Variants in PTPRD observed in about 807,000 individuals in gnomAD.
The protein encoded by PTPRD is protein tyrosine phosphatase receptor type D.
In PTPRD, 34 loss-of-function variants were observed where a neutral mutation model predicts 214.5. The ratio of observed to expected loss-of-function variants is 0.16; its 90% CI spans 0.12 to 0.21. The LOEUF is 0.21. Ranked by LOEUF, PTPRD falls within the 10% of genes least tolerant of loss-of-function variation. The pLI is 1.00. For synonymous variants in PTPRD, 1,128 were observed against 845.7 expected (o/e 1.33, Z -5.79); for missense variants, 2,545 against 2,398.7 (o/e 1.06, Z -1.27).
chr9:8,352,490 A>T (rs1183970661), intron 39 of PTPRD, among the ~76,000 whole-genome samples: 1 of 152,126 alleles, frequency 6.6e-6, no homozygotes, highest in African/African-American at 2.4e-5. Context: ...CCACTTTTTG[A>T]AAGAGGAGAC....
intron 7 of PTPRD, among the ~76,000 whole-genome samples, chr9:9,592,831 G>C (rs1325681557): frequency 6.6e-6 from 1 of 151,988 alleles, no homozygotes; most frequent in African/African-American, 2.4e-5. Flanking sequence ...GATAACCTGA[G>C]GTCAGGAGTT....
intron 11 of PTPRD, among the ~76,000 whole-genome samples, chr9:8,803,033 G>A (rs751757815): frequency 1.3e-4 from 20 of 151,960 alleles, no homozygotes; most frequent in African/African-American, 2.9e-4. Flanking sequence ...CTCCGGCCTC[G>A]GCAACAGAGC....
At chr9:9,398,223 T>A (rs1214501590) in intron 8 of PTPRD, among the ~76,000 whole-genome samples, 2 of 151,854 alleles carry the variant, frequency 1.3e-5, no homozygotes, top group African/African-American at 4.8e-5. Context: ...ATTTCTTCAA[T>A]AGAGGTTGTC....
At chr9:9,271,050 C>T (rs374794012) in intron 9 of PTPRD, among the ~76,000 whole-genome samples, 16 of 151,160 alleles carry the variant, frequency 1.1e-4, no homozygotes, top group East Asian at 9.8e-4. Context: ...AGTGCTTATG[C>T]GGCTTCCAGG....
chr9:9,601,967 A>G (rs935995927), intron 7 of PTPRD, among the ~76,000 whole-genome samples: 2 of 152,122 alleles, frequency 1.3e-5, no homozygotes, highest in African/African-American at 4.8e-5. Flanking sequence ...CTACCACTAC[A>G]TACATAAAAG....
At chr9:9,500,268 G>C (rs1306176137) in intron 8 of PTPRD, among the ~76,000 whole-genome samples, 1 of 152,040 alleles carries the variant, frequency 6.6e-6, no homozygotes, top group African/African-American at 2.4e-5. Flanking sequence ...TTGGCCTCTC[G>C]ATGTAAACAA....
chr9:10,444,247 T>C (rs1390093073), intron 2 of PTPRD, among the ~76,000 whole-genome samples: 7 of 151,860 alleles, frequency 4.6e-5, no homozygotes, highest in Admixed American at 2.6e-4. Context: ...TATTCTATGA[T>C]GTTTAACGTA....
chr9:10,567,832 T>G (rs1219604839), intron 2 of PTPRD, among the ~76,000 whole-genome samples: 1 of 151,828 alleles, frequency 6.6e-6, no homozygotes, highest in Non-Finnish European at 1.5e-5. Context: ...TGTCACCAGT[T>G]AAACCATTGC....
chr9:8,813,760 C>T (rs951115854), intron 11 of PTPRD, among the ~76,000 whole-genome samples: 3 of 152,190 alleles, frequency 2.0e-5, no homozygotes, highest in Admixed American at 2.0e-4. Flanking sequence ...ACAAGAGATG[C>T]TTTGCTGAGT....
intron 11 of PTPRD, among the ~76,000 whole-genome samples, chr9:8,930,840 C>G (rs1471665246): frequency 3.9e-5 from 6 of 151,954 alleles, no homozygotes; most frequent in Non-Finnish European, 5.9e-5. Flanking sequence ...TGTTTGAGTT[C>G]TTTGTAGATT....
intron 2 of PTPRD, among the ~76,000 whole-genome samples, chr9:10,426,503 T>C (rs1396768127): frequency 1.3e-5 from 2 of 152,038 alleles, no homozygotes; most frequent in Non-Finnish European, 2.9e-5. Flanking sequence ...TGAAAACTTG[T>C]AATCATGGCT....
intron 14 of PTPRD, among the ~76,000 whole-genome samples, chr9:8,531,408 G>A (rs996804371): frequency 2.0e-5 from 3 of 152,002 alleles, no homozygotes; most frequent in African/African-American, 7.2e-5. Context: ...ATCAATAGCT[G>A]CTATACCACA....
chr9:9,547,796 T>TAACACACACACACA (rs2079144912), intron 8 of PTPRD, among the ~76,000 whole-genome samples: 1 of 142,372 alleles, frequency 7.0e-6, no homozygotes, highest in Non-Finnish European at 1.5e-5. Flanking sequence ...AAACACAAAT[T>TAACACACACACACA]CACACACACA....
intron 39 of PTPRD, among the ~76,000 whole-genome samples, chr9:8,359,472 A>T (rs1230364537): frequency 6.6e-6 from 1 of 152,022 alleles, no homozygotes; most frequent in African/African-American, 2.4e-5. Flanking sequence ...TTACAGACAT[A>T]TGCCAGCAAA....
At chr9:9,408,266 T>A (rs2074231968) in intron 8 of PTPRD, among the ~76,000 whole-genome samples, 1 of 151,838 alleles carries the variant, frequency 6.6e-6, no homozygotes, top group African/African-American at 2.4e-5. Flanking sequence ...CTTAAACTTT[T>A]GAATCAGCTG....
intron 3 of PTPRD, among the ~76,000 whole-genome samples, chr9:10,243,585 A>G (rs903685100): frequency 1.3e-5 from 2 of 151,990 alleles, no homozygotes; most frequent in Non-Finnish European, 2.9e-5. Context: ...CACCCTTCAC[A>G]CTGCTACCAC....
At chr9:8,461,748 T>G (rs1398044268) in intron 32 of PTPRD, among the ~76,000 whole-genome samples, 1 of 152,012 alleles carries the variant, frequency 6.6e-6, no homozygotes, top group Non-Finnish European at 1.5e-5. Context: ...TCCTCATCTT[T>G]CCAACTGCTC....
At chr9:10,500,020 T>C (rs1255004964) in intron 2 of PTPRD, among the ~76,000 whole-genome samples, 2 of 151,616 alleles carry the variant, frequency 1.3e-5, no homozygotes, top group South Asian at 2.1e-4. Flanking sequence ...AAACCAAATA[T>C]CTTTATAAGA....
intron 7 of PTPRD, among the ~76,000 whole-genome samples, chr9:9,723,231 A>C (rs549379740): frequency 6.6e-6 from 1 of 152,118 alleles, no homozygotes; most frequent in East Asian, 1.9e-4. Flanking sequence ...CTTTTACATA[A>C]GACTATCCAG....
Sources: gnomAD v4.1 joint callset for allele counts (sites outside exome capture counted in the v4.1 genomes callset) on GRCh38, gnomAD v4.1.1 for gene constraint, MANE v1.5 for transcripts, NCBI Gene and HGNC (gene_info 2026-07-23, HGNC 2026-07-21) for gene names.